ITPKC: variants seen among roughly 807,000 people sequenced by gnomAD.
ITPKC encodes inositol-trisphosphate 3-kinase C, also known as IP3 3-kinase C.
A neutral mutation model predicts 67.1 loss-of-function variants in ITPKC; 33 were observed. That is an observed-to-expected ratio of 0.49 (90% CI 0.37 to 0.66). ITPKC has a LOEUF of 0.66. ITPKC is among the 30% of genes least tolerant of loss of function. The pLI, the probability that ITPKC is intolerant of heterozygous loss-of-function variation, is 0.00. For synonymous variants in ITPKC, 341 were observed against 359.8 expected (o/e 0.95, Z 0.59); for missense variants, 820 against 892.1 (o/e 0.92, Z 1.03).
At chr19:40,739,288 G>A (rs1196168984) in intron 6 of ITPKC, 69 bp from the exon 7 acceptor site, 10 of 1,181,882 alleles carry the variant, frequency 8.5e-6, no homozygotes, top group Admixed American at 1.9e-5. Context: ...ACCCTGCTCT[G>A]CTGCCTGTCA....
In ITPKC at chr19:40,740,698, C is replaced by G. The variant is rs2082325394; in HGVS notation, c.*1138C>G. The G allele has an allele frequency of 2.9e-6, 1 of 344,828 alleles. No homozygotes were observed. Among genetic ancestry groups the G allele is most frequent in the African/African-American group, 2.1e-5 (1 of 47,474 alleles). 21.4% of individuals were successfully genotyped at this position (344,828 alleles called of 1,614,324 possible). ...TAAGCTGAAGCTCCCACACTGTCTT[C>G]CAGGGCTGAGGAGATGCTCTCCTTT... is the stretch of plus-strand genomic sequence containing the variant. On this transcript the variant is annotated 3_prime_UTR_variant, in exon 7 of 7. Coordinates refer to ENST00000263370, the MANE Select transcript of ITPKC (RefSeq NM_025194.3).
intron 3 of ITPKC, among the ~76,000 whole-genome samples, chr19:40,730,872 G>GC (rs1257528358): frequency 6.6e-6 from 1 of 152,136 alleles, no homozygotes; most frequent in Non-Finnish European, 1.5e-5. Context: ...CACACACCAA[G>GC]CAACGGACAC....
Position 40,733,322 on chromosome 19 carries a change from G to A in ITPKC, c.1632G>A (p.Met544Ile). 6.2e-7 allele frequency: 1 copy of A among 1,613,588 alleles called. No individual in the cohort carries two copies. The highest frequency in any genetic ancestry group is 8.5e-7 in the Non-Finnish European group (1 of 1,179,778). Reference sequence around the variant, plus strand: ...GCTACATGCAGTGGAGGGAAACCATGAGCTCCACCTCTACCCTGGGCTTCC... The same window carrying A: ...GCTACATGCAGTGGAGGGAAACCATAAGCTCCACCTCTACCCTGGGCTTCC... ...KPRYMQWRET[M>I]SSTSTLGFRI... Residue 544 changes from methionine (M) to isoleucine (I), a missense_variant, in exon 4 of 7, where the codon ATG (methionine) becomes ATA (isoleucine). Transcript: ENST00000263370.
Position 40,737,754 on chromosome 19 carries a change from C to G in ITPKC, c.1833C>G (p.Phe611Leu), listed in dbSNP as rs61159620. 6.2e-7 allele frequency: 1 copy of G among 1,614,110 alleles called. No individual in the cohort carries two copies. The highest frequency in any genetic ancestry group is 1.7e-5 in the Admixed American group (1 of 60,030). ...GTGAAGCTCTGGAGATCTCCCCCTT[C>G]TTCAAGACCCACGAGGTGCGAGCCC... ...ELREALEISP[F>L]FKTHEVVGSS... The change falls in exon 6 of 7, where the codon TTC (phenylalanine) becomes TTG (leucine). Residue 611 changes from phenylalanine (F) to leucine (L), a missense_variant. Physicochemically the swap from Phe to Leu is conservative, Grantham distance 22. This residue lies in a region of ITPKC where 339 missense variants were observed against 422.0 expected (regional missense o/e 0.80). Coordinates refer to ENST00000263370, the MANE Select transcript of ITPKC (RefSeq NM_025194.3).
intron 1 of ITPKC, among the ~76,000 whole-genome samples, chr19:40,721,568 T>TA (rs1462582713): frequency 2.0e-5 from 3 of 151,710 alleles, no homozygotes; most frequent in Non-Finnish European, 4.4e-5. Flanking sequence ...TGGGTTTCAC[T>TA]ATGTTGGCCA....
chr19:40,719,638 C>T (rs1022362826), intron 1 of ITPKC, among the ~76,000 whole-genome samples: 4 of 151,814 alleles, frequency 2.6e-5, no homozygotes, highest in African/African-American at 4.8e-5. Context: ...ACCAGGTGCC[C>T]GCCACCACAC....
At chr19:40,719,316 C>T (rs895105862) in intron 1 of ITPKC, among the ~76,000 whole-genome samples, 1 of 152,038 alleles carries the variant, frequency 6.6e-6, no homozygotes, top group Non-Finnish European at 1.5e-5. Context: ...TTTCTCTCTG[C>T]CTGCCCTCTC....
At chr19:40,721,216 A>G (rs971911915) in intron 1 of ITPKC, among the ~76,000 whole-genome samples, 13 of 152,132 alleles carry the variant, frequency 8.5e-5, no homozygotes, top group African/African-American at 3.1e-4. Flanking sequence ...GTCACAGTTC[A>G]GAGTGGTCAG....
chr19:40,737,256 C>A (rs1012504271), intron 5 of ITPKC, among the ~76,000 whole-genome samples, 169 bp downstream of exon 5: 9 of 152,168 alleles, frequency 5.9e-5, no homozygotes, highest in African/African-American at 9.7e-5. Context: ...GTCCAGGGGG[C>A]CCTGCTCCCA....
In ITPKC at chr19:40,725,382, C is replaced by G; in HGVS notation, c.1198C>G (p.Pro400Ala). The change falls in exon 2 of 7, where the codon CCC becomes GCC. Residue 400 changes from proline to alanine, a missense_variant. Around this residue, in one of 2 missense-constraint regions of ITPKC, gnomAD observed 339 missense variants for 422.0 expected, o/e 0.80. Coordinates refer to ENST00000263370, the MANE Select transcript of ITPKC (RefSeq NM_025194.3). ...KKLKTVLKYS[P>A]FVVSFRKHYP... ...GCTGAAGACAGTTCTGAAGTATTCA[C>G]CCTTTGTGGTCTCCTTCCGAAAACA... 6.2e-7 allele frequency: 1 copy of G among 1,614,044 alleles called. No individual in the cohort carries two copies. Among genetic ancestry groups the G allele is most frequent in the Non-Finnish European group, 8.5e-7 (1 of 1,179,862 alleles).
At chr19:40,737,556 CCTGT>C in intron 5 of ITPKC, 138 bp from the exon 6 acceptor site, 1 of 722,414 alleles carries the variant, frequency 1.4e-6, no homozygotes, top group South Asian at 1.6e-5. Flanking sequence ...ACTCCTCTGC[CCTGT>C]CTTCCCCATG....
intron 3 of ITPKC, among the ~76,000 whole-genome samples, 157 bp from the exon 4 acceptor site, chr19:40,733,003 C>T (rs2082278725): frequency 1.3e-5 from 2 of 152,180 alleles, no homozygotes; most frequent in African/African-American, 4.8e-5. Context: ...CATAACTGCA[C>T]AACTCTACGT....
At chr19:40,724,936 C>T (rs2082238947) in intron 1 of ITPKC, among the ~76,000 whole-genome samples, 1 of 148,842 alleles carries the variant, frequency 6.7e-6, no homozygotes. Flanking sequence ...TGACAGAGAC[C>T]CTGTCTCAAT....
rs1462482018 is a variant in ITPKC, at chr19:40,739,501, G to A, written c.1993G>A (p.Gly665Ser). 6 of 1,613,522 alleles carry A rather than the reference G, an allele frequency of 3.7e-6. No individual in the cohort carries two copies. The highest frequency in any genetic ancestry group is 1.3e-5 in the African/African-American group (1 of 74,898). Residue 665 changes from glycine to serine, a missense_variant, in exon 7 of 7, where the codon GGC becomes AGC. Gly to Ser is a moderately conservative substitution (Grantham distance 56, BLOSUM62 0). Transcript: ENST00000263370. ...CTGGGCTGAGGGCAACCGTGAGGAC[G>A]GCTACCTCTGGGGCCTGGACAACAT... ...LPWAEGNRED[G>S]YLWGLDNMIC...
chr19:40,726,517 A>G lies in ITPKC; in HGVS notation c.1255+1078A>G, dbSNP rs1281311552. Reference sequence around the variant, plus strand: ...TTACAGCAGGAAAGCTGCCATAGACACTATGTAAACATATGAGTGTGTCTG... The same window carrying G: ...TTACAGCAGGAAAGCTGCCATAGACGCTATGTAAACATATGAGTGTGTCTG... On this transcript the variant is annotated intron_variant, in intron 2 of 6. Transcript: ENST00000263370. Among the ~76,000 whole-genome samples the G allele has an allele frequency of 2.0e-5, 3 of 152,254 alleles. No homozygotes were observed. The South Asian group carries it at 6.2e-4, about 31-fold the overall frequency.
At chr19:40,734,590 C>G (rs1199708645) in intron 4 of ITPKC, among the ~76,000 whole-genome samples, 4 of 151,666 alleles carry the variant, frequency 2.6e-5, no homozygotes, top group Non-Finnish European at 5.9e-5. Flanking sequence ...TAGGATCTAG[C>G]CTCTTCTCTC....
intron 1 of ITPKC, among the ~76,000 whole-genome samples, chr19:40,719,154 C>T (rs1417568597): frequency 6.6e-6 from 1 of 152,148 alleles, no homozygotes; most frequent in Non-Finnish European, 1.5e-5. Flanking sequence ...GCTCTGGGGC[C>T]CCTGGCTGGA....
At chr19:40,720,120 C>A (rs187572283) in intron 1 of ITPKC, among the ~76,000 whole-genome samples, 2 of 152,112 alleles carry the variant, frequency 1.3e-5, no homozygotes, top group African/African-American at 4.8e-5. Flanking sequence ...AATCCCAGCA[C>A]TTTGGGAGGC....
At chr19:40,729,009 C>T (rs1248073556) in intron 2 of ITPKC, among the ~76,000 whole-genome samples, 193 bp from the exon 3 acceptor site, 1 of 151,960 alleles carries the variant, frequency 6.6e-6, no homozygotes, top group African/African-American at 2.4e-5. Flanking sequence ...GCCTGGGCAA[C>T]AGAGTGGGAC....
Sources: gnomAD v4.1 joint callset for allele counts (sites outside exome capture counted in the v4.1 genomes callset) on GRCh38, gnomAD v4.1.1 for gene constraint, gnomAD v4.1.1 regional missense constraint, MANE v1.5 for transcripts, NCBI Gene and HGNC (gene_info 2026-07-23, HGNC 2026-07-21) for gene names.